The following ACOT9 variants were observed in gnomAD, a reference collection of about 807,000 sequenced individuals.
The protein encoded by ACOT9 is acyl-CoA thioesterase 9.
In ACOT9, 34 loss-of-function variants were observed where a neutral mutation model predicts 39.7. That is an observed-to-expected ratio of 0.86 (90% CI 0.65 to 1.14). ACOT9 has a LOEUF of 1.14. Ranked by LOEUF, ACOT9 falls within the 50% of genes most tolerant of loss-of-function variation. The probability of loss-of-function intolerance (pLI) is 0.00; values close to 1 mark genes in which losing one functional copy is unlikely to be tolerated. For synonymous variants in ACOT9, 110 were observed against 120.5 expected, an observed-to-expected ratio of 0.91 and a Z score of 0.57; for missense variants, 313 against 344.1, an observed-to-expected ratio of 0.91 and a Z score of 0.71.
chrX:23,706,827 A>C, intron 10 of ACOT9, 88 bp from the exon 11 acceptor site: 1 of 522,818 alleles, frequency 1.9e-6, no homozygotes, highest in South Asian at 3.4e-5. Context: ...TCAAAATCTC[A>C]CTGAAAATTA....
At position 23,706,732 on chromosome X, in the gene ACOT9, C is replaced by T. The variant is rs774492451; in HGVS notation, c.738G>A (p.Lys246=). The T allele has an allele frequency of 1.7e-6, 2 of 1,174,805 alleles. No homozygotes were observed. ...EELFRQGELN[K]GRRIAFSSTS... ...TGGAGCTGAAGGCAATTCTTCTCCCCTTGTTCACTGGAACAAGGGAGAATA... is the reference window on the plus strand; with the variant it reads ...TGGAGCTGAAGGCAATTCTTCTCCCTTTGTTCACTGGAACAAGGGAGAATA... Residue 246 remains lysine (K), a synonymous_variant, in exon 11 of 16, where the codon AAG becomes AAA. Coordinates refer to ENST00000379303, the MANE Select transcript of ACOT9 (RefSeq NM_001037171.2).
Position 23,701,634 on chromosome X carries a change from GATA to G in ACOT9, c.*2257_*2259del, listed in dbSNP as rs2146806138. Among the ~76,000 whole-genome samples, 1 of 111,107 alleles carries G rather than the reference GATA, an allele frequency of 9.0e-6. No individual in the cohort carries two copies. Among genetic ancestry groups the G allele is most frequent in the South Asian group, 3.9e-4 (1 of 2,597 alleles). ...CTACAGGTGCACACCACCATGCTCAGATAATTTTTTAACTTTTTGTAGAGAAAG... is the reference window on the plus strand; with the variant it reads ...CTACAGGTGCACACCACCATGCTCAGATTTTTTAACTTTTTGTAGAGAAAG... On this transcript the variant is annotated 3_prime_UTR_variant, in exon 16 of 16. Transcript: ENST00000379303.
rs760326414 is a variant in ACOT9 at position 23,735,950 on chromosome X, G to A, written c.87C>T (p.Pro29=). The A allele has an allele frequency of 1.7e-6, 2 of 1,208,726 alleles. No homozygotes were observed. The highest frequency in any genetic ancestry group is 1.8e-5 in the African/African-American group (1 of 57,083). ...GAATGTGGAAGATTCCCTGTTTCTT[G>A]GGGTTCTGGGGTCCTTGAGTCAGTC... ...GRGLTQGPQN[P]KKQGIFHIHE... Residue 29 remains proline (P), a synonymous_variant, in exon 2 of 16, where the codon CCC becomes CCT. Transcript: ENST00000379303.
At chrX:23,715,555 T>G (rs1399158142) in intron 8 of ACOT9, among the ~76,000 whole-genome samples, 2 of 109,665 alleles carry the variant, frequency 1.8e-5, no homozygotes, top group African/African-American at 6.6e-5. Context: ...GGCATTACTA[T>G]GGAGGGGGGT....
intron 1 of ACOT9, among the ~76,000 whole-genome samples, chrX:23,737,290 G>C (rs778039307): frequency 9.0e-6 from 1 of 110,921 alleles, no homozygotes; most frequent in East Asian, 2.8e-4. Flanking sequence ...TCCAGCCTGG[G>C]CAACAGAGCA....
At chrX:23,742,258 T>TAC (rs149500465) in intron 1 of ACOT9, among the ~76,000 whole-genome samples, 1 of 82,576 alleles carries the variant, frequency 1.2e-5, no homozygotes, top group Non-Finnish European at 2.2e-5. Context: ...GAGAGAGAGA[T>TAC]ATCCAGGACC....
chrX:23,708,008 G>C (rs2146816098), intron 9 of ACOT9, 64 bp from the exon 10 acceptor site: 1 of 969,244 alleles, frequency 1.0e-6, no homozygotes, highest in African/African-American at 2.0e-5. Flanking sequence ...ACTTGAAGAT[G>C]AACAATCACC....
intron 6 of ACOT9, among the ~76,000 whole-genome samples, chrX:23,723,276 T>C (rs775469811): frequency 5.4e-5 from 6 of 112,073 alleles, no homozygotes; most frequent in East Asian, 5.6e-4. Flanking sequence ...ATATGTGCCA[T>C]GCATGGTTCA....
intron 8 of ACOT9, among the ~76,000 whole-genome samples, chrX:23,714,781 C>T (rs185924413): frequency 1.5e-3 from 169 of 110,599 alleles, no homozygotes; most frequent in African/African-American, 5.3e-3. Context: ...TGCACCACCA[C>T]ACCCAGCTAA....
chrX:23,707,749 ACAAAAAAAC>A, intron 10 of ACOT9, 119 bp downstream of exon 10: 1 of 475,929 alleles, frequency 2.1e-6, no homozygotes, highest in Non-Finnish European at 3.3e-6. Flanking sequence ...AAAAAAACAA[ACAAAAAAAC>A]AAACAAAAAA....
chrX:23,720,725 T>C, intron 8 of ACOT9, among the ~76,000 whole-genome samples: 1 of 111,293 alleles, frequency 9.0e-6, no homozygotes, highest in South Asian at 3.8e-4. Context: ...TTTTCTGTTT[T>C]TATGCCACCA....
rs189980983 is a variant in ACOT9 at position 23,703,677 on chromosome X, T to C, written c.*217A>G. 11 of 316,126 alleles carry C rather than the reference T, an allele frequency of 3.5e-5. No individual in the cohort carries two copies. Among genetic ancestry groups the C allele is most frequent in the East Asian group, 2.6e-4 (5 of 19,199 alleles). 26.1% of individuals were successfully genotyped at this position (316,126 alleles called of 1,213,427 possible). ...CAACATGGTAGGTTCACAATTAAAA[T>C]TGTCTTGAAAGTATTTATTGTTTAA... On this transcript the variant is annotated 3_prime_UTR_variant, in exon 16 of 16. Transcript: ENST00000379303.
intron 8 of ACOT9, among the ~76,000 whole-genome samples, chrX:23,718,841 G>T (rs1279621232): frequency 1.0e-5 from 1 of 99,570 alleles, no homozygotes; most frequent in Non-Finnish European, 2.0e-5. Flanking sequence ...AGGAGACGGA[G>T]CTTGCAGTGA....
chrX:23,728,884 G>A (rs1929626715), intron 6 of ACOT9, among the ~76,000 whole-genome samples: 2 of 111,314 alleles, frequency 1.8e-5, no homozygotes, highest in African/African-American at 6.5e-5. Flanking sequence ...AGAATAATGG[G>A]GACACATCAA....
At chrX:23,714,966 C>A (rs904737523) in intron 8 of ACOT9, among the ~76,000 whole-genome samples, 1 of 111,269 alleles carries the variant, frequency 9.0e-6, no homozygotes, top group African/African-American at 3.3e-5. Flanking sequence ...GAAAGTCATA[C>A]CATAAAGTAA....
In ACOT9 at chrX:23,703,954, C is replaced by G. The variant is rs374622718; in HGVS notation, c.1287G>C (p.Arg429=). The change falls in exon 16 of 16, where the codon CGG becomes CGC. Residue 429 remains arginine, a synonymous_variant. Transcript: ENST00000379303. The part of the protein sequence containing the change: ...GESMLYLDGQ[R]HFNSMSGPAT... ...CTGGGCCACTCATGGAGTTGAAATG[C>G]CGCTGCCCATCTAAGTACAACATGG... The G allele has an allele frequency of 1.6e-5, 19 of 1,210,497 alleles. No homozygotes were observed. The highest frequency in any genetic ancestry group is 2.1e-5 in the Non-Finnish European group (19 of 894,649).
At chrX:23,713,262 A>T in intron 8 of ACOT9, 54 bp from the exon 9 acceptor site, 1 of 988,485 alleles carries the variant, frequency 1.0e-6, no homozygotes, top group Non-Finnish European at 1.4e-6. Context: ...TATCGGGAAG[A>T]CCTACCACGA....
chrX:23,713,166 C>A lies in ACOT9; in HGVS notation c.631G>T (p.Val211Leu). ...EFCPVLDATF[V>L]MVARDSENKG... Reference sequence around the variant, plus strand: ...TTTTCAGAATCACGAGCCACCATTACAAATGTTGCATCCAAAACAGGACAA... The same window carrying A: ...TTTTCAGAATCACGAGCCACCATTAAAAATGTTGCATCCAAAACAGGACAA... The change falls in exon 9 of 16, where the codon GTA (valine) becomes TTA (leucine). Residue 211 changes from valine (V) to leucine (L), a missense_variant. Physicochemically the swap from Val to Leu is conservative, Grantham distance 32. Transcript: ENST00000379303. The A allele has an allele frequency of 8.3e-7, 1 of 1,208,923 alleles. No homozygotes were observed. The highest frequency in any genetic ancestry group is 2.2e-5 in the Admixed American group (1 of 45,878).
rs1406571399 is a variant in ACOT9, at chrX:23,730,565, C to A, written c.363-1G>T. On this transcript the variant is annotated splice_acceptor_variant, in intron 5 of 15. Transcript: ENST00000379303. LOFTEE classifies it high-confidence loss of function. ...AAGATCCTCAAGAATCCTGCCAAATCTGTGAAATAAAGCAAACAGTGAATT... is the reference window on the plus strand; with the variant it reads ...AAGATCCTCAAGAATCCTGCCAAATATGTGAAATAAAGCAAACAGTGAATT... The A allele has an allele frequency of 8.3e-7, 1 of 1,205,759 alleles. No homozygotes were observed. The highest frequency in any genetic ancestry group is 2.2e-5 in the Admixed American group (1 of 45,747).
Sources: allele counts gnomAD v4.1 joint callset (sites outside exome capture counted in the v4.1 genomes callset), GRCh38; gene constraint gnomAD v4.1.1; transcripts MANE v1.5; gene names NCBI Gene and HGNC (gene_info 2026-07-23, HGNC 2026-07-21).